TAFA2: variants seen among roughly 807,000 people sequenced by gnomAD.
TAFA2 encodes the protein chemokine-like protein TAFA-2.
In TAFA2, 7 loss-of-function variants were observed where a neutral mutation model predicts 18.8. The observed-to-expected ratio is 0.37, with a 90% CI of 0.21 to 0.70. TAFA2 has a LOEUF of 0.70. Among genes scored for constraint, TAFA2 ranks in the 30% least tolerant of loss-of-function variants. The probability of loss-of-function intolerance (pLI) is 0.53; values close to 1 mark genes in which losing one functional copy is unlikely to be tolerated. For missense variants in TAFA2, 122 were observed against 158.1 expected, an observed-to-expected ratio of 0.77 and a Z score of 1.23; for synonymous variants, 60 against 54.2, an observed-to-expected ratio of 1.11 and a Z score of -0.47.
chr12:61,905,745 T>C (rs1217508629), intron 1 of TAFA2, among the ~76,000 whole-genome samples: 4 of 152,186 alleles, frequency 2.6e-5, no homozygotes, highest in Admixed American at 6.5e-5. Flanking sequence ...CAAAGGATAA[T>C]GCAGAATTTC....
chr12:62,017,815 G>C (rs922398422), intron 1 of TAFA2, among the ~76,000 whole-genome samples: 1 of 152,064 alleles, frequency 6.6e-6, no homozygotes, highest in African/African-American at 2.4e-5. Context: ...CTCAATAAAA[G>C]AAAACAAGCA....
intron 1 of TAFA2, among the ~76,000 whole-genome samples, chr12:61,899,718 T>C (rs1288267428): frequency 6.6e-6 from 1 of 152,138 alleles, no homozygotes; most frequent in Admixed American, 6.6e-5. Flanking sequence ...CATGGATTCA[T>C]CCAACCGTGG....
At chr12:61,992,032 G>T (rs1034732920) in intron 1 of TAFA2, among the ~76,000 whole-genome samples, 2 of 152,048 alleles carry the variant, frequency 1.3e-5, no homozygotes, top group Non-Finnish European at 2.9e-5. Context: ...TATAACTCAG[G>T]TCTTGATCCT....
intron 1 of TAFA2, among the ~76,000 whole-genome samples, chr12:62,002,605 G>T (rs1358040535): frequency 6.6e-6 from 1 of 151,982 alleles, no homozygotes; most frequent in East Asian, 1.9e-4. Flanking sequence ...TCCACTTATT[G>T]CTTGACAATT....
chr12:62,244,306 T>C (rs530627276), intron 1 of TAFA2, among the ~76,000 whole-genome samples: 2 of 150,848 alleles, frequency 1.3e-5, no homozygotes, highest in Admixed American at 6.6e-5. Flanking sequence ...ATATAAATCA[T>C]GCCACATATA....
chr12:62,003,362 T>A (rs1880443453), intron 1 of TAFA2, among the ~76,000 whole-genome samples: 1 of 152,140 alleles, frequency 6.6e-6, no homozygotes, highest in South Asian at 2.1e-4. Flanking sequence ...ATCCAGGAAG[T>A]TAAACTGGGC....
At chr12:61,989,882 G>A (rs1329802759) in intron 1 of TAFA2, among the ~76,000 whole-genome samples, 1 of 152,116 alleles carries the variant, frequency 6.6e-6, no homozygotes, top group Non-Finnish European at 1.5e-5. Context: ...ATCACCCTCA[G>A]TATTTTAATG....
At chr12:61,928,309 T>TACAA (rs1299961302) in intron 1 of TAFA2, among the ~76,000 whole-genome samples, 1 of 152,114 alleles carries the variant, frequency 6.6e-6, no homozygotes, top group Non-Finnish European at 1.5e-5. Flanking sequence ...TAAACAAATT[T>TACAA]ACAAACAAAC....
In TAFA2 at chr12:62,025,671, ACT is replaced by A. The variant is rs938383806; in HGVS notation, c.-1-158247_-1-158246del. On this transcript the variant is annotated intron_variant, in intron 1 of 4. Transcript: ENST00000416284. ...ACAATTGCTATTGTAAAAATAATAA[ACT>A]CTGTTTTAACTTGCTTTGTGTAACA... 3.9e-5 allele frequency among the ~76,000 whole-genome samples: 6 copies of A among 152,190 alleles called. No homozygotes were observed. The South Asian group carries it at 1.0e-3, about 26-fold the overall frequency.
chr12:61,724,304 T>A (rs1472639969), intron 4 of TAFA2, among the ~76,000 whole-genome samples: 2 of 152,082 alleles, frequency 1.3e-5, no homozygotes, highest in African/African-American at 4.8e-5. Context: ...ACATTTTATA[T>A]TTTTTGGTGT....
intron 1 of TAFA2, among the ~76,000 whole-genome samples, chr12:62,022,351 AAATGTATATAATTAT>A (rs1428267881): frequency 7.9e-5 from 12 of 152,198 alleles, no homozygotes; most frequent in African/African-American, 1.4e-4. Context: ...ATCCTAGAAG[AAATGTATATAATTAT>A]ATGTAATGCC....
At chr12:61,869,166 G>A (rs962724549) in intron 1 of TAFA2, among the ~76,000 whole-genome samples, 2 of 152,158 alleles carry the variant, frequency 1.3e-5, no homozygotes, top group Admixed American at 6.5e-5. Flanking sequence ...CTCATGACAT[G>A]TCAAAGATAA....
chr12:62,252,814 CTTTG>C (rs1412523549), intron 1 of TAFA2: 1 of 152,110 alleles, frequency 6.6e-6, no homozygotes, highest in African/African-American at 2.4e-5. Context: ...AAATGAATCC[CTTTG>C]TTTGATGTGA....
At chr12:62,189,472 T>C (rs1920090) in intron 1 of TAFA2, among the ~76,000 whole-genome samples, 133,816 of 152,224 alleles carry the variant, frequency 0.88, 58,916 homozygotes, top group Middle Eastern at 0.93. Context: ...AGGATGAGAT[T>C]CAAAACAAAA....
chr12:62,208,763 G>A (rs2136971824), intron 1 of TAFA2, among the ~76,000 whole-genome samples: 2 of 152,166 alleles, frequency 1.3e-5, no homozygotes, highest in South Asian at 4.2e-4. Context: ...TATGACATAG[G>A]AAATCCAGGT....
chr12:61,879,372 G>T, intron 1 of TAFA2: 1 of 742,480 alleles, frequency 1.3e-6, no homozygotes, highest in Admixed American at 2.2e-5. Flanking sequence ...TGGCCCCCGG[G>T]CCTTCAGCAG....
chr12:61,966,031 G>T (rs542481890), intron 1 of TAFA2, among the ~76,000 whole-genome samples: 4 of 151,920 alleles, frequency 2.6e-5, no homozygotes, highest in African/African-American at 7.2e-5. Context: ...GAACGTGGGG[G>T]TATAATTATC....
chr12:62,153,435 G>C (rs563652806), intron 1 of TAFA2, among the ~76,000 whole-genome samples: 1 of 152,242 alleles, frequency 6.6e-6, no homozygotes, highest in East Asian at 1.9e-4. Flanking sequence ...GACAATGGTG[G>C]GAGGATCACT....
At chr12:61,975,151 T>C (rs1299703619) in intron 1 of TAFA2, among the ~76,000 whole-genome samples, 3 of 151,832 alleles carry the variant, frequency 2.0e-5, no homozygotes, top group Non-Finnish European at 4.4e-5. Flanking sequence ...CGTTTTGTGT[T>C]AATAGCACAT....
Sources: allele counts gnomAD v4.1 joint callset (sites outside exome capture counted in the v4.1 genomes callset), GRCh38; gene constraint gnomAD v4.1.1; transcripts MANE v1.5; gene names NCBI Gene and HGNC (gene_info 2026-07-23, HGNC 2026-07-21).